Variants in SAV1 observed in about 807,000 individuals in gnomAD.
The protein encoded by SAV1 is salvador family WW domain containing protein 1, also known as protein salvador homolog 1.
A neutral mutation model predicts 47.3 loss-of-function variants in SAV1; 23 were observed. That is an observed-to-expected ratio of 0.49 (90% CI 0.35 to 0.69). The LOEUF is 0.69. SAV1 is among the 30% of genes least tolerant of loss of function. The probability of loss-of-function intolerance (pLI) is 0.01; values close to 1 mark genes in which losing one functional copy is unlikely to be tolerated. For missense variants in SAV1, 448 were observed against 457.4 expected, an observed-to-expected ratio of 0.98 and a Z score of 0.19; for synonymous variants, 155 against 159.2, an observed-to-expected ratio of 0.97 and a Z score of 0.20.
intron 2 of SAV1, among the ~76,000 whole-genome samples, chr14:50,646,234 T>A (rs528995979): frequency 2.0e-5 from 3 of 152,238 alleles, no homozygotes; most frequent in African/African-American, 7.2e-5. Context: ...AAAAATAAAA[T>A]TGAACAATTA....
At chr14:50,645,740 T>A (rs1595639257) in intron 2 of SAV1, among the ~76,000 whole-genome samples, 1 of 150,652 alleles carries the variant, frequency 6.6e-6, no homozygotes, top group Non-Finnish European at 1.5e-5. Flanking sequence ...TTAAAAAAAA[T>A]GTAAAAATGA....
chr14:50,641,448 G>A (rs1377989847), intron 3 of SAV1, among the ~76,000 whole-genome samples: 2 of 152,016 alleles, frequency 1.3e-5, no homozygotes, highest in African/African-American at 4.8e-5. Flanking sequence ...GTGGGGAGTG[G>A]AGATATTATA....
chr14:50,637,750 T>G (rs1473363273), intron 4 of SAV1: 1 of 144,894 alleles, frequency 6.9e-6, no homozygotes, highest in Non-Finnish European at 1.5e-5. Flanking sequence ...ACAAGCACAA[T>G]GCCACTACTG....
chr14:50,651,009 G>A (rs1449261653), intron 2 of SAV1, among the ~76,000 whole-genome samples: 1 of 151,098 alleles, frequency 6.6e-6, no homozygotes, highest in African/African-American at 2.4e-5. Context: ...GCAACAGAGA[G>A]AGACTCTGTC....
At chr14:50,663,864 A>C (rs1375568977) in intron 2 of SAV1, among the ~76,000 whole-genome samples, 2 of 152,194 alleles carry the variant, frequency 1.3e-5, no homozygotes, top group Non-Finnish European at 2.9e-5. Flanking sequence ...TTGAACCACA[A>C]ATCTCCACTC....
rs2039918527 is a variant in SAV1 at position 50,667,976 on chromosome 14, A to ACGAGGCC, written c.-16_-10dup. ...TTCTTTCGGGACAGCATCCTTCTCG[A>ACGAGGCC]CGAGGCCCGAGGCCGCGCTGAACTG... On this transcript the variant is annotated 5_prime_UTR_variant, in exon 1 of 5. Transcript: ENST00000324679. 1 of 1,607,194 alleles carries ACGAGGCC rather than the reference A, an allele frequency of 6.2e-7. No individual in the cohort carries two copies. The highest frequency in any genetic ancestry group is 8.5e-7 in the Non-Finnish European group (1 of 1,177,504).
chr14:50,636,482 C>CTA (rs2039635486), intron 4 of SAV1, among the ~76,000 whole-genome samples: 1 of 152,090 alleles, frequency 6.6e-6, no homozygotes, highest in African/African-American at 2.4e-5. Context: ...AATGAGTAGA[C>CTA]TATAGAAGGC....
intron 1 of SAV1, chr14:50,667,611 C>A: frequency 2.0e-6 from 1 of 493,156 alleles, no homozygotes; most frequent in Non-Finnish European, 3.6e-6. Flanking sequence ...ACCAACAACT[C>A]TGCCTGGTGG....
chr14:50,640,662 T>C (rs2039673464), intron 4 of SAV1, 88 bp downstream of exon 4: 3 of 1,164,276 alleles, frequency 2.6e-6, no homozygotes, highest in East Asian at 2.6e-5. Context: ...GAGTAAAATA[T>C]GGCACACTAC....
intron 3 of SAV1, among the ~76,000 whole-genome samples, chr14:50,642,826 G>C (rs1457648845): frequency 6.6e-6 from 1 of 152,120 alleles, no homozygotes; most frequent in African/African-American, 2.4e-5. Flanking sequence ...TCCTAAATAG[G>C]TTCAAAGGAA....
At position 50,665,295 on chromosome 14, in the gene SAV1, A is replaced by G; in HGVS notation, c.419T>C (p.Phe140Ser). The G allele has an allele frequency of 6.2e-7, 1 of 1,613,848 alleles. No individual in the cohort carries two copies. Among genetic ancestry groups the G allele is most frequent in the Non-Finnish European group, 8.5e-7 (1 of 1,179,798 alleles). ...GSRYYYSDNF[F>S]DGQRKRPLGD... ...AAGTGGCCGCTTTCTCTGACCATCA[A>G]AAAAATTGTCTGAATAATAATATCG... Residue 140 changes from phenylalanine to serine, a missense_variant, in exon 2 of 5, where the codon TTT becomes TCT. Phe to Ser is a radical substitution (Grantham distance 155, BLOSUM62 -2). Transcript: ENST00000324679.
chr14:50,648,262 C>G (rs1008689448), intron 2 of SAV1, among the ~76,000 whole-genome samples: 1 of 152,072 alleles, frequency 6.6e-6, no homozygotes, highest in African/African-American at 2.4e-5. Context: ...GGACAGAAAA[C>G]AGTGATTGCT....
chr14:50,640,872 T>C lies in SAV1; in HGVS notation c.828A>G (p.Pro276=). The C allele has an allele frequency of 6.2e-7, 1 of 1,612,614 alleles. No individual in the cohort carries two copies. The highest frequency in any genetic ancestry group is 8.5e-7 in the Non-Finnish European group (1 of 1,179,156). ...CAPSVPRYDQ[P]PPVTYQPQQT... ...GCTGTGGCTGGTATGTGACAGGAGG[T>C]GGTTGATCATACCGAGGTACACTAA... The change falls in exon 4 of 5, where the codon CCA becomes CCG. Residue 276 remains proline, a synonymous_variant. Transcript: ENST00000324679.
At chr14:50,638,470 C>G (rs1447006309) in intron 4 of SAV1, among the ~76,000 whole-genome samples, 2 of 152,128 alleles carry the variant, frequency 1.3e-5, no homozygotes, top group Non-Finnish European at 2.9e-5. Context: ...CAAAAATAAC[C>G]TGTCCACACT....
chr14:50,658,154 A>G (rs577673021), intron 2 of SAV1, among the ~76,000 whole-genome samples: 1 of 152,334 alleles, frequency 6.6e-6, no homozygotes, highest in South Asian at 2.1e-4. Flanking sequence ...AAAGATTATC[A>G]ACCCCTCCTC....
At chr14:50,665,090 C>T (rs753498393) in intron 2 of SAV1, 89 bp downstream of exon 2, 9 of 1,461,602 alleles carry the variant, frequency 6.2e-6, no homozygotes, top group East Asian at 2.5e-5. Context: ...AGTATTTGTT[C>T]GTGTCCCAAG....
chr14:50,666,572 T>C (rs1420090567), intron 1 of SAV1, among the ~76,000 whole-genome samples: 3 of 152,064 alleles, frequency 2.0e-5, no homozygotes, highest in Non-Finnish European at 2.9e-5. Context: ...ACAAAGTAGA[T>C]CAAAAGTTAT....
chr14:50,641,707 A>G (rs2140249648), intron 3 of SAV1, among the ~76,000 whole-genome samples: 1 of 152,332 alleles, frequency 6.6e-6, no homozygotes, highest in African/African-American at 2.4e-5. Context: ...AAAGTCAAAA[A>G]ATAACAGATG....
At chr14:50,648,868 A>G (rs1333782746) in intron 2 of SAV1, among the ~76,000 whole-genome samples, 1 of 152,154 alleles carries the variant, frequency 6.6e-6, no homozygotes, top group African/African-American at 2.4e-5. Context: ...GGTTCACCAC[A>G]GGTTGGTGAT....
Sources: allele counts gnomAD v4.1 joint callset (sites outside exome capture counted in the v4.1 genomes callset), GRCh38; gene constraint gnomAD v4.1.1; transcripts MANE v1.5; gene names NCBI Gene and HGNC (gene_info 2026-07-23, HGNC 2026-07-21).